PHYHIPL: variants seen among roughly 807,000 people sequenced by gnomAD.
PHYHIPL encodes phytanoyl-CoA 2-hydroxylase interacting protein like, also known as phytanoyl-CoA hydroxylase-interacting protein-like.
In PHYHIPL, 9 loss-of-function variants were observed where a neutral mutation model predicts 33.4. The ratio of observed to expected loss-of-function variants is 0.27; its 90% CI spans 0.16 to 0.47. The LOEUF is 0.47. Ranked by LOEUF, PHYHIPL falls within the 20% of genes least tolerant of loss-of-function variation. The pLI is 0.99. For synonymous variants in PHYHIPL, 153 were observed against 154.1 expected (o/e 0.99, Z 0.05); for missense variants, 365 against 460.7 (o/e 0.79, Z 1.90).
Position 59,176,841 on chromosome 10 carries a change from G to C in PHYHIPL, c.-13G>C. On this transcript the variant is annotated 5_prime_UTR_variant, in exon 1 of 5. Transcript: ENST00000373880. ...GGATACGAAGCAGGCGGGCTTCAGA[G>C]TGGGTTGGAAAAATGGAGGTGCCGC... The C allele has an allele frequency of 1.2e-6, 2 of 1,609,404 alleles. No homozygotes were observed. The highest frequency in any genetic ancestry group is 1.7e-6 in the Non-Finnish European group (2 of 1,177,800).
chr10:59,237,036 G>A (rs1195328016), intron 3 of PHYHIPL, among the ~76,000 whole-genome samples: 3 of 142,932 alleles, frequency 2.1e-5, no homozygotes, highest in African/African-American at 7.8e-5. Flanking sequence ...CACCAGTACT[G>A]AAAGACAGAA....
intron 1 of PHYHIPL, among the ~76,000 whole-genome samples, chr10:59,226,618 A>G (rs2133269668): frequency 1.3e-5 from 2 of 152,242 alleles, no homozygotes; most frequent in Middle Eastern, 3.4e-3. Flanking sequence ...CCTATAGGGA[A>G]GAGGTACCTG....
At chr10:59,243,163 G>A (rs1840469971) in intron 4 of PHYHIPL, among the ~76,000 whole-genome samples, 1 of 150,610 alleles carries the variant, frequency 6.6e-6, no homozygotes, top group South Asian at 2.1e-4. Context: ...TGAGATACAA[G>A]ACACCTTATG....
At chr10:59,214,549 T>C (rs1343207945) in intron 1 of PHYHIPL, among the ~76,000 whole-genome samples, 1 of 152,066 alleles carries the variant, frequency 6.6e-6, no homozygotes, top group African/African-American at 2.4e-5. Flanking sequence ...TATGTGTGTA[T>C]TGTGGGATTT....
At chr10:59,175,296 T>C (rs974029809), upstream of PHYHIPL, among the ~76,000 whole-genome samples, 1 of 152,226 alleles carries the variant, frequency 6.6e-6, no homozygotes, top group Non-Finnish European at 1.5e-5. Flanking sequence ...CTTTCACAGA[T>C]ATTTATGAAA....
chr10:59,210,122 T>C (rs977710495), intron 1 of PHYHIPL, among the ~76,000 whole-genome samples: 4 of 152,064 alleles, frequency 2.6e-5, no homozygotes, highest in Non-Finnish European at 5.9e-5. Flanking sequence ...CAAAAGAAAC[T>C]ATCATCAGAG....
At chr10:59,197,952 G>A (rs1274176590) in intron 1 of PHYHIPL, among the ~76,000 whole-genome samples, 1 of 152,058 alleles carries the variant, frequency 6.6e-6, no homozygotes, top group Non-Finnish European at 1.5e-5. Flanking sequence ...GGCTTGATTT[G>A]CATTTATGTC....
Position 59,187,610 on chromosome 10 carries a change from T to C in PHYHIPL, c.106+10651T>C, listed in dbSNP as rs1838649370. ...CATCTGGTCCTGGACCTTTTTTGGTTGGTAAGCTATTAATTATTGCCTCAA... is the reference window on the plus strand; with the variant it reads ...CATCTGGTCCTGGACCTTTTTTGGTCGGTAAGCTATTAATTATTGCCTCAA... On this transcript the variant is annotated intron_variant, in intron 1 of 4. Transcript: ENST00000373880. 2.6e-5 allele frequency among the ~76,000 whole-genome samples: 4 copies of C among 152,176 alleles called. No homozygotes were observed. The South Asian group carries it at 8.3e-4, about 32-fold the overall frequency.
At chr10:59,200,421 T>A (rs1459622242) in intron 1 of PHYHIPL, among the ~76,000 whole-genome samples, 2 of 152,182 alleles carry the variant, frequency 1.3e-5, no homozygotes, top group Non-Finnish European at 2.9e-5. Flanking sequence ...TTCATTGTGG[T>A]GGATAAGCTT....
intron 1 of PHYHIPL, among the ~76,000 whole-genome samples, chr10:59,180,102 G>C (rs1838361110): frequency 6.6e-6 from 1 of 151,318 alleles, no homozygotes; most frequent in East Asian, 1.9e-4. Context: ...TAAAATGAAA[G>C]AGAAAATTTC....
intron 1 of PHYHIPL, among the ~76,000 whole-genome samples, chr10:59,197,005 A>G (rs1001519582): frequency 5.3e-5 from 8 of 152,336 alleles, no homozygotes; most frequent in African/African-American, 1.4e-4. Flanking sequence ...TTAGTTATGT[A>G]TATGAAATCT....
chr10:59,237,430 G>T (rs1840259178), intron 3 of PHYHIPL, among the ~76,000 whole-genome samples: 1 of 151,752 alleles, frequency 6.6e-6, no homozygotes. Context: ...AAGAAACTTT[G>T]TTTCCTCCTG....
At chr10:59,182,593 G>A (rs1235586668) in intron 1 of PHYHIPL, among the ~76,000 whole-genome samples, 4 of 152,090 alleles carry the variant, frequency 2.6e-5, no homozygotes, top group African/African-American at 9.7e-5. Flanking sequence ...TGCCCGCCTC[G>A]GCCTTCCAAA....
intron 1 of PHYHIPL, among the ~76,000 whole-genome samples, chr10:59,181,757 G>C (rs1214434720): frequency 6.6e-6 from 1 of 152,158 alleles, no homozygotes; most frequent in African/African-American, 2.4e-5. Context: ...GAAACCATCA[G>C]ATTGTATTAA....
chr10:59,241,892 T>G (rs755695167), intron 4 of PHYHIPL, among the ~76,000 whole-genome samples: 53 of 152,032 alleles, frequency 3.5e-4, no homozygotes, highest in Non-Finnish European at 3.2e-4. Context: ...AAAAAAGAAA[T>G]AAAGAACACC....
rs562719249 is a variant in PHYHIPL at position 59,215,081 on chromosome 10, T to G, written c.107-19223T>G. Among the ~76,000 whole-genome samples the G allele has an allele frequency of 1.2e-4, 19 of 152,128 alleles. No homozygotes were observed. In the South Asian group the frequency reaches 3.5e-3, roughly 28 times the overall value. ...TTGTCTTCAGAATGATAAAACAAAA[T>G]CATTAAAAATTATGTGGAAAGTTAA... On this transcript the variant is annotated intron_variant, in intron 1 of 4. Coordinates refer to ENST00000373880, the MANE Select transcript of PHYHIPL (RefSeq NM_032439.4).
At chr10:59,177,655 T>G (rs1175545153) in intron 1 of PHYHIPL, 4 of 1,550,514 alleles carry the variant, frequency 2.6e-6, no homozygotes. Flanking sequence ...TATCGTTTAT[T>G]CTGTTGTTGA....
intron 1 of PHYHIPL, among the ~76,000 whole-genome samples, chr10:59,178,715 T>C (rs1346529455): frequency 1.3e-5 from 2 of 152,148 alleles, no homozygotes; most frequent in Non-Finnish European, 2.9e-5. Context: ...TTAGGGAAAA[T>C]TTAAACTTTT....
At chr10:59,231,214 TA>T (rs1235971484) in intron 1 of PHYHIPL, among the ~76,000 whole-genome samples, 4 of 152,000 alleles carry the variant, frequency 2.6e-5, no homozygotes, top group Non-Finnish European at 5.9e-5. Context: ...AATTGAAACA[TA>T]AATATGATAC....
Sources: allele counts gnomAD v4.1 joint callset (sites outside exome capture counted in the v4.1 genomes callset), GRCh38; gene constraint gnomAD v4.1.1; transcripts MANE v1.5; gene names NCBI Gene and HGNC (gene_info 2026-07-23, HGNC 2026-07-21).